The following MCCC1 variants were observed in gnomAD, a reference collection of about 807,000 sequenced individuals.
The protein encoded by MCCC1 is methylcrotonoyl-CoA carboxylase subunit alpha, mitochondrial.
In MCCC1, 64 loss-of-function variants were observed where a neutral mutation model predicts 83.8. The observed-to-expected ratio is 0.76, with a 90% CI of 0.62 to 0.94. The LOEUF is 0.94. MCCC1 is among the 40% of genes least tolerant of loss of function. The pLI is 0.00. For missense variants in MCCC1, 807 were observed against 904.7 expected (o/e 0.89, Z 1.39); for synonymous variants, 322 against 315.4 (o/e 1.02, Z -0.22).
At chr3:183,024,889 C>T (rs1029781819) in intron 15 of MCCC1, among the ~76,000 whole-genome samples, 10 of 151,482 alleles carry the variant, frequency 6.6e-5, no homozygotes, top group African/African-American at 9.7e-5. Context: ...AGAAACAACC[C>T]GAATGTTCAT....
At chr3:183,076,457 T>C (rs1429005002) in intron 4 of MCCC1, among the ~76,000 whole-genome samples, 1 of 152,262 alleles carries the variant, frequency 6.6e-6, no homozygotes. Flanking sequence ...GTGGTTATTA[T>C]GAATAACGGT....
intron 13 of MCCC1, among the ~76,000 whole-genome samples, chr3:183,035,068 C>A (rs188365260): frequency 6.6e-6 from 1 of 152,132 alleles, no homozygotes; most frequent in East Asian, 1.9e-4. Context: ...CATGAGCCAC[C>A]GCGCCTGGCC....
chr3:183,078,147 G>A (rs1717219160), intron 4 of MCCC1, among the ~76,000 whole-genome samples: 1 of 152,134 alleles, frequency 6.6e-6, no homozygotes. Context: ...AGCCTCCTGA[G>A]CAGCTAGGAT....
intron 10 of MCCC1, among the ~76,000 whole-genome samples, chr3:183,044,978 G>A (rs1370069119): frequency 6.6e-6 from 1 of 151,790 alleles, no homozygotes; most frequent in Non-Finnish European, 1.5e-5. Flanking sequence ...TTGCTACATG[G>A]GTATTTTGCA....
At chr3:183,072,336 A>G (rs777768822) in intron 5 of MCCC1, 30 bp downstream of exon 5, 1 of 1,611,906 alleles carries the variant, frequency 6.2e-7, no homozygotes, top group East Asian at 2.2e-5. Flanking sequence ...ACCTTCATAC[A>G]GTTATATTTT....
chr3:183,061,773 A>G (rs112467671), intron 7 of MCCC1, among the ~76,000 whole-genome samples: 10 of 152,244 alleles, frequency 6.6e-5, no homozygotes, highest in African/African-American at 2.4e-4. Flanking sequence ...TTTGGATATG[A>G]CTGATAACTT....
chr3:183,070,952 A>C, intron 7 of MCCC1, 47 bp downstream of exon 7: 1 of 1,563,330 alleles, frequency 6.4e-7, no homozygotes, highest in African/African-American at 1.4e-5. Flanking sequence ...CATTATTTTT[A>C]TAATTTAATT....
chr3:183,098,909 CTT>C (rs1718935255), intron 1 of MCCC1: 1 of 244,096 alleles, frequency 4.1e-6, no homozygotes, highest in South Asian at 5.2e-5. Context: ...TGAAAAATGG[CTT>C]TGAGGGCATC....
intron 15 of MCCC1, among the ~76,000 whole-genome samples, chr3:183,024,656 G>A (rs1712434356): frequency 6.6e-6 from 1 of 151,944 alleles, no homozygotes; most frequent in African/African-American, 2.4e-5. Context: ...ATAAGTAGTG[G>A]CAAGGAAGTG....
chr3:183,023,019 TTTATC>T (rs1712286450), intron 15 of MCCC1, among the ~76,000 whole-genome samples: 1 of 152,212 alleles, frequency 6.6e-6, no homozygotes, highest in Admixed American at 6.5e-5. Context: ...ATGATATTCT[TTTATC>T]TTATCAACAC....
intron 7 of MCCC1, among the ~76,000 whole-genome samples, chr3:183,069,608 C>T (rs1368039058): frequency 6.6e-6 from 1 of 151,990 alleles, no homozygotes; most frequent in Admixed American, 6.6e-5. Context: ...ACTGCAAATA[C>T]AAAATTAGGT....
intron 1 of MCCC1, among the ~76,000 whole-genome samples, chr3:183,095,988 G>A (rs1011349992): frequency 2.0e-5 from 3 of 152,154 alleles, no homozygotes; most frequent in Non-Finnish European, 2.9e-5. Context: ...ACAGAAAACA[G>A]GCCAGATTCA....
chr3:183,096,529 T>C (rs1269219080), intron 1 of MCCC1, among the ~76,000 whole-genome samples: 1 of 152,208 alleles, frequency 6.6e-6, no homozygotes, highest in East Asian at 1.9e-4. Flanking sequence ...TAGGCAGTAG[T>C]ATATACATAT....
chr3:183,029,419 G>A (rs967986731), intron 14 of MCCC1, among the ~76,000 whole-genome samples: 1 of 152,168 alleles, frequency 6.6e-6, no homozygotes, highest in South Asian at 2.1e-4. Context: ...AGACCTGTGA[G>A]CTCCCTGACT....
At position 183,020,116 on chromosome 3, in the gene MCCC1, T is replaced by C. The variant is rs754833807; in HGVS notation, c.1977+14A>G. ...AACTTACTGAACATCATTCTACAGA[T>C]GTCATGTGATTACCTTTTCAATGGT... On this transcript the variant is annotated intron_variant, in intron 17 of 18. Coordinates refer to ENST00000265594, the MANE Select transcript of MCCC1 (RefSeq NM_020166.5). 1.3e-6 allele frequency: 2 copies of C among 1,581,762 alleles called. No homozygotes were observed. The highest frequency in any genetic ancestry group is 2.2e-5 in the South Asian group (2 of 90,432).
intron 1 of MCCC1, among the ~76,000 whole-genome samples, chr3:183,107,531 TTATTTG>T (rs1419215444): frequency 4.0e-5 from 6 of 151,354 alleles, no homozygotes; most frequent in African/African-American, 7.3e-5. Context: ...ATTATTATTA[TTATTTG>T]TTGTTGTTGT....
chr3:183,092,976 C>T (rs1718476587), intron 2 of MCCC1, among the ~76,000 whole-genome samples: 2 of 150,984 alleles, frequency 1.3e-5, no homozygotes, highest in African/African-American at 4.9e-5. Flanking sequence ...TCACTACAAC[C>T]TCTACCTCCC....
chr3:183,030,691 G>C (rs1712993166), intron 14 of MCCC1, among the ~76,000 whole-genome samples: 1 of 152,154 alleles, frequency 6.6e-6, no homozygotes, highest in African/African-American at 2.4e-5. Flanking sequence ...TGACCATCAT[G>C]CTCTCCAGCT....
At chr3:183,081,456 C>A (rs1717487013) in intron 4 of MCCC1, among the ~76,000 whole-genome samples, 1 of 152,190 alleles carries the variant, frequency 6.6e-6, no homozygotes, top group African/African-American at 2.4e-5. Flanking sequence ...AGAAGACACA[C>A]ACAAGCAAAG....
Sources: gnomAD v4.1 joint callset for allele counts (sites outside exome capture counted in the v4.1 genomes callset) on GRCh38, gnomAD v4.1.1 for gene constraint, MANE v1.5 for transcripts, NCBI Gene and HGNC (gene_info 2026-07-23, HGNC 2026-07-21) for gene names.